Variants in SEC63 observed in about 807,000 individuals in gnomAD.
SEC63 encodes translocation protein SEC63 homolog.
In SEC63, 56 loss-of-function variants were observed where a neutral mutation model predicts 116.2. The ratio of observed to expected loss-of-function variants is 0.48; its 90% CI spans 0.39 to 0.60. SEC63 has a LOEUF of 0.60. Ranked by LOEUF, SEC63 falls within the 20% of genes least tolerant of loss-of-function variation. SEC63 has a pLI of 0.00. For synonymous variants in SEC63, 273 were observed against 294.6 expected, an observed-to-expected ratio of 0.93 and a Z score of 0.75; for missense variants, 668 against 900.0, an observed-to-expected ratio of 0.74 and a Z score of 3.30.
intron 17 of SEC63, among the ~76,000 whole-genome samples, chr6:107,881,895 T>C (rs896640403): frequency 2.6e-5 from 4 of 152,174 alleles, no homozygotes; most frequent in Admixed American, 6.5e-5. Flanking sequence ...AGGTAATAAA[T>C]AATGATTTGT....
At chr6:107,900,030 G>A (rs1170513870) in intron 13 of SEC63, among the ~76,000 whole-genome samples, 1 of 152,142 alleles carries the variant, frequency 6.6e-6, no homozygotes, top group Non-Finnish European at 1.5e-5. Flanking sequence ...TCAATAAGCA[G>A]AGGGTATGTC....
intron 1 of SEC63, among the ~76,000 whole-genome samples, chr6:107,933,478 A>T (rs1302757198): frequency 6.6e-6 from 1 of 152,236 alleles, no homozygotes; most frequent in Non-Finnish European, 1.5e-5. Context: ...CTGACAGCAT[A>T]CAAGAACACA....
chr6:107,879,388 A>C (rs1723560945), intron 18 of SEC63, among the ~76,000 whole-genome samples: 1 of 152,162 alleles, frequency 6.6e-6, no homozygotes, highest in South Asian at 2.1e-4. Flanking sequence ...GTGCAATGGC[A>C]CAATCTCAGC....
intron 1 of SEC63, among the ~76,000 whole-genome samples, chr6:107,942,016 T>C (rs1770388259): frequency 6.6e-6 from 1 of 152,234 alleles, no homozygotes; most frequent in Admixed American, 6.5e-5. Flanking sequence ...TTTCTAAACA[T>C]TTCCCCGTGT....
At position 107,929,409 on chromosome 6, in the gene SEC63, A is replaced by G; in HGVS notation, c.224+6T>C. On this transcript the variant is annotated splice_donor_region_variant and intron_variant, in intron 2 of 20. Coordinates refer to ENST00000369002, the MANE Select transcript of SEC63 (RefSeq NM_007214.5). ...GTAGGTTTTTTTCTTGAAATCCATT[A>G]CTTACTTTACTGTAGGAATAATATT... The G allele has an allele frequency of 6.8e-7, 1 of 1,461,722 alleles. No homozygotes were observed. The highest frequency in any genetic ancestry group is 9.6e-7 in the Non-Finnish European group (1 of 1,041,864). 90.5% of individuals were successfully genotyped at this position (1,461,722 alleles called of 1,614,324 possible).
At chr6:107,923,999 T>C (rs1333786249) in intron 3 of SEC63, among the ~76,000 whole-genome samples, 1 of 152,212 alleles carries the variant, frequency 6.6e-6, no homozygotes, top group Non-Finnish European at 1.5e-5. Context: ...GCACGGTGGC[T>C]CACGCCTGTA....
intron 7 of SEC63, chr6:107,909,271 A>G (rs1041155500): frequency 2.4e-6 from 1 of 410,868 alleles, no homozygotes; most frequent in Non-Finnish European, 4.6e-6. Flanking sequence ...CCAGCTGCTC[A>G]GGAAGCTGAG....
chr6:107,938,609 C>T (rs1218587282), intron 1 of SEC63, among the ~76,000 whole-genome samples: 8 of 150,468 alleles, frequency 5.3e-5, no homozygotes, highest in Non-Finnish European at 1.2e-4. Context: ...GTCACCCAGG[C>T]TGGAGTGCAA....
intron 1 of SEC63, among the ~76,000 whole-genome samples, chr6:107,950,693 ACAGTAGGCTG>A (rs755197612): frequency 3.3e-5 from 5 of 152,236 alleles, no homozygotes; most frequent in Non-Finnish European, 7.3e-5. Flanking sequence ...GCCTAAAATT[ACAGTAGGCTG>A]CAGAGCCACA....
intron 3 of SEC63, among the ~76,000 whole-genome samples, chr6:107,922,242 A>G (rs570922499): frequency 3.9e-5 from 6 of 152,358 alleles, no homozygotes; most frequent in African/African-American, 1.2e-4. Flanking sequence ...GGCCAGGCAC[A>G]GCCTGTAATC....
At chr6:107,922,916 G>T (rs1787591335) in intron 3 of SEC63, among the ~76,000 whole-genome samples, 2 of 151,724 alleles carry the variant, frequency 1.3e-5, no homozygotes, top group Non-Finnish European at 1.5e-5. Context: ...AATAGAAAGA[G>T]CACTAGATTG....
intron 1 of SEC63, among the ~76,000 whole-genome samples, chr6:107,941,756 A>C (rs974193842): frequency 6.6e-6 from 1 of 152,222 alleles, no homozygotes; most frequent in East Asian, 1.9e-4. Flanking sequence ...AGCTTCACTC[A>C]ATTAGAGGGC....
chr6:107,903,049 A>G, intron 11 of SEC63, 51 bp from the exon 12 acceptor site: 1 of 1,589,414 alleles, frequency 6.3e-7, no homozygotes, highest in African/African-American at 1.3e-5. Flanking sequence ...TTACATGTTC[A>G]GGAGTATACA....
chr6:107,912,541 C>T (rs551569177), intron 6 of SEC63, among the ~76,000 whole-genome samples, 175 bp downstream of exon 6: 6 of 152,318 alleles, frequency 3.9e-5, no homozygotes, highest in Admixed American at 1.3e-4. Context: ...GCCGAGATCA[C>T]GCCACTGCTC....
chr6:107,930,484 G>C (rs1302092197), intron 1 of SEC63, among the ~76,000 whole-genome samples: 1 of 151,796 alleles, frequency 6.6e-6, no homozygotes, highest in Non-Finnish European at 1.5e-5. Context: ...GTGCATGCCT[G>C]TAATCCCAGC....
chr6:107,899,593 C>T (rs1337497499), intron 13 of SEC63, among the ~76,000 whole-genome samples: 1 of 151,998 alleles, frequency 6.6e-6, no homozygotes, highest in Non-Finnish European at 1.5e-5. Flanking sequence ...GTGGCACACG[C>T]CTGTAATCCC....
At position 107,904,597 on chromosome 6, in the gene SEC63, G is replaced by C. The variant is rs3736705; in HGVS notation, c.1054+32C>G. ...AATCTGCATATGCTTGCAAGAAAAA[G>C]TATAACATAATTAACTATATTTCCT... On this transcript the variant is annotated intron_variant, in intron 11 of 20. Coordinates refer to ENST00000369002, the MANE Select transcript of SEC63 (RefSeq NM_007214.5). The C allele has an allele frequency of 4.0e-4, 611 of 1,520,780 alleles. 3 individuals are homozygous for C. The East Asian group carries it at 0.013, about 33-fold the overall frequency. The allele number at this position is 1,520,780 out of a possible 1,614,324, so 94.2% of individuals were successfully genotyped here.
chr6:107,933,991 G>A (rs981732915), intron 1 of SEC63, among the ~76,000 whole-genome samples: 7 of 152,228 alleles, frequency 4.6e-5, no homozygotes, highest in East Asian at 1.9e-4. Flanking sequence ...CCGAGGTGCC[G>A]GGTTTGCAGA....
intron 1 of SEC63, among the ~76,000 whole-genome samples, chr6:107,938,805 T>C (rs985160307): frequency 6.6e-6 from 1 of 151,114 alleles, no homozygotes; most frequent in African/African-American, 2.5e-5. Flanking sequence ...TCCACCCACC[T>C]TGGCCTCCCA....
Sources: allele counts gnomAD v4.1 joint callset (sites outside exome capture counted in the v4.1 genomes callset), GRCh38; gene constraint gnomAD v4.1.1; transcripts MANE v1.5; gene names NCBI Gene and HGNC (gene_info 2026-07-23, HGNC 2026-07-21).